ASTN2: variants seen among roughly 807,000 people sequenced by gnomAD.
The protein encoded by ASTN2 is astrotactin-2.
A neutral mutation model predicts 139.8 loss-of-function variants in ASTN2; 54 were observed. The observed-to-expected ratio is 0.39, with a 90% CI of 0.31 to 0.48. ASTN2 has a LOEUF of 0.48. Ranked by LOEUF, ASTN2 falls within the 20% of genes least tolerant of loss-of-function variation. ASTN2 has a pLI of 0.95. For synonymous variants in ASTN2, 756 were observed against 719.5 expected (o/e 1.05, Z -0.81); for missense variants, 1,565 against 1,725.1 (o/e 0.91, Z 1.64).
At chr9:117,093,349 A>C (rs1828753985) in intron 5 of ASTN2, among the ~76,000 whole-genome samples, 1 of 152,064 alleles carries the variant, frequency 6.6e-6, no homozygotes, top group African/African-American at 2.4e-5. Flanking sequence ...CTTTAGAACA[A>C]CTCTCTATGC....
At chr9:116,790,955 A>AAAGAAGG (rs59916639) in intron 13 of ASTN2, among the ~76,000 whole-genome samples, 1 of 99,698 alleles carries the variant, frequency 1.0e-5, no homozygotes, top group East Asian at 2.3e-4. Flanking sequence ...AGAAAGAAAG[A>AAAGAAGG]AAAGAAAGAA....
At chr9:117,154,049 A>T (rs1355570853) in intron 3 of ASTN2, among the ~76,000 whole-genome samples, 2 of 152,064 alleles carry the variant, frequency 1.3e-5, no homozygotes. Flanking sequence ...ATCTTCTTTG[A>T]AACTAAGGCA....
At chr9:116,901,113 C>T (rs199836283) in intron 10 of ASTN2, among the ~76,000 whole-genome samples, 28 of 112,326 alleles carry the variant, frequency 2.5e-4, no homozygotes, top group African/African-American at 7.2e-4. Flanking sequence ...TGTGTGTGTG[C>T]GCGTGTGCAA....
chr9:116,701,799 T>C (rs931958033), intron 16 of ASTN2, among the ~76,000 whole-genome samples: 1 of 152,050 alleles, frequency 6.6e-6, no homozygotes, highest in African/African-American at 2.4e-5. Context: ...GTACAGTCGA[T>C]GTTTAATTAT....
At chr9:116,558,795 G>A (rs769364039) in intron 19 of ASTN2, among the ~76,000 whole-genome samples, 4 of 152,190 alleles carry the variant, frequency 2.6e-5, no homozygotes, top group Admixed American at 2.6e-4. Context: ...GAGTTTGTCT[G>A]AGCCTCAGTT....
chr9:117,303,990 A>G (rs1239782036), intron 1 of ASTN2, among the ~76,000 whole-genome samples: 1 of 152,198 alleles, frequency 6.6e-6, no homozygotes, highest in Non-Finnish European at 1.5e-5. Flanking sequence ...AGGATGGCCC[A>G]TCTGCCTATG....
intron 10 of ASTN2, among the ~76,000 whole-genome samples, chr9:116,955,805 AT>A (rs1228627202): frequency 6.6e-6 from 1 of 152,118 alleles, no homozygotes; most frequent in Non-Finnish European, 1.5e-5. Context: ...AAATGTTGTC[AT>A]TTATTTTTTT....
chr9:117,007,626 T>C (rs1197516490), intron 7 of ASTN2, among the ~76,000 whole-genome samples: 1 of 152,216 alleles, frequency 6.6e-6, no homozygotes, highest in Non-Finnish European at 1.5e-5. Flanking sequence ...CCTAAAAATA[T>C]GCCTGGCTAC....
intron 16 of ASTN2, among the ~76,000 whole-genome samples, chr9:116,664,421 T>TA (rs1417411698): frequency 2.0e-5 from 3 of 148,052 alleles, no homozygotes; most frequent in African/African-American, 7.4e-5. Context: ...TAGAAATATA[T>TA]ATAATATATA....
intron 4 of ASTN2, among the ~76,000 whole-genome samples, chr9:117,106,788 ATCTG>A (rs1024096016): frequency 4.0e-5 from 6 of 151,544 alleles, no homozygotes; most frequent in African/African-American, 1.2e-4. Context: ...CTATCTATCT[ATCTG>A]TCTATCTATC....
intron 19 of ASTN2, among the ~76,000 whole-genome samples, chr9:116,592,004 C>T (rs1460484559): frequency 6.6e-6 from 1 of 152,050 alleles, no homozygotes; most frequent in Non-Finnish European, 1.5e-5. Context: ...TTCCAGGTAC[C>T]CCCTTGGATA....
rs990498508 is a variant in ASTN2 at position 116,738,049 on chromosome 9, G to A, written c.2397-4526C>T. ...CTACTAAAAATACAAAAAATTAGCC[G>A]GGCGTGGTAGCGGGCGCCTGTAGTC... On this transcript the variant is annotated intron_variant, in intron 13 of 22. Transcript: ENST00000313400. Among the ~76,000 whole-genome samples, 7 of 151,560 alleles carry A rather than the reference G, an allele frequency of 4.6e-5. No homozygotes were observed. The East Asian group carries it at 7.8e-4, about 17-fold the overall frequency.
intron 19 of ASTN2, among the ~76,000 whole-genome samples, chr9:116,510,569 T>C (rs1299732245): frequency 7.9e-5 from 12 of 152,222 alleles, no homozygotes; most frequent in East Asian, 3.8e-4. Flanking sequence ...GGGGATAGCA[T>C]TGAATCTACA....
At chr9:117,039,767 G>T in intron 6 of ASTN2, 52 bp downstream of exon 6, 2 of 1,568,228 alleles carry the variant, frequency 1.3e-6, no homozygotes, top group South Asian at 2.4e-5. Context: ...TGACCAGTCA[G>T]GGGTGCAAGG....
rs1243750727 is a variant in ASTN2 at position 116,605,041 on chromosome 9, A to AAGAG, written c.3355+13279_3355+13282dup. Among the ~76,000 whole-genome samples the AAGAG allele has an allele frequency of 5.3e-4, 77 of 146,330 alleles. 1 individual carries two copies. Among genetic ancestry groups the AAGAG allele is most frequent in the African/African-American group, 1.8e-3 (72 of 41,006 alleles). On this transcript the variant is annotated intron_variant, in intron 19 of 22. Coordinates refer to ENST00000313400, the MANE Select transcript of ASTN2 (RefSeq NM_001365068.1). ...GCACAGAGTGACATGGAATAAAAAG[A>AAGAG]AGAGAGAGAGAGAGACAGAGAGCCA...
intron 3 of ASTN2, 57 bp from the exon 4 acceptor site, chr9:117,141,535 G>A (rs973574695): frequency 1.2e-5 from 16 of 1,318,066 alleles, no homozygotes; most frequent in Non-Finnish European, 1.3e-5. Context: ...AGCACCTAGA[G>A]CACTGGGGCT....
chr9:116,910,913 A>C (rs1188294552), intron 10 of ASTN2, among the ~76,000 whole-genome samples: 1 of 152,180 alleles, frequency 6.6e-6, no homozygotes, highest in Non-Finnish European at 1.5e-5. Context: ...AGTAGGGTAG[A>C]GCGAGACCAG....
chr9:117,027,587 C>T (rs183678203), intron 6 of ASTN2, among the ~76,000 whole-genome samples: 3 of 152,260 alleles, frequency 2.0e-5, no homozygotes, highest in Non-Finnish European at 4.4e-5. Context: ...CACATTCTCA[C>T]TCCCAATCCC....
Position 116,976,725 on chromosome 9 carries a change from C to T in ASTN2, c.1652G>A (p.Arg551His), listed in dbSNP as rs571117828. 44 of 1,614,042 alleles carry T rather than the reference C, an allele frequency of 2.7e-5. 1 individual carries two copies. Among genetic ancestry groups the T allele is most frequent in the South Asian group, 8.8e-5 (8 of 91,076 alleles). ...CCCTTCACTCTGTCCCCAGTCACTG[C>T]GCACACACAGGTGTCTGTGAACAGG... Reference protein sequence around the residue: ...PDPVHRHLCVRSDWGQSEGPW... With the variant: ...PDPVHRHLCVHSDWGQSEGPW... The change falls in exon 8 of 23, where the codon CGC (arginine) becomes CAC (histidine). Residue 551 changes from arginine to histidine, a missense_variant. Transcript: ENST00000313400.
Sources: gnomAD v4.1 joint callset for allele counts (sites outside exome capture counted in the v4.1 genomes callset) on GRCh38, gnomAD v4.1.1 for gene constraint, MANE v1.5 for transcripts, NCBI Gene and HGNC (gene_info 2026-07-23, HGNC 2026-07-21) for gene names.